Variants in BCAR3 observed in about 807,000 individuals in gnomAD.
The protein encoded by BCAR3 is BCAR3 adaptor protein, NSP family member, also known as breast cancer anti-estrogen resistance protein 3.
A neutral mutation model predicts 80.1 loss-of-function variants in BCAR3; 37 were observed. The observed-to-expected ratio is 0.46, with a 90% CI of 0.36 to 0.61. BCAR3 has a LOEUF of 0.61. Among genes scored for constraint, BCAR3 ranks in the 20% least tolerant of loss-of-function variants. The pLI, the probability that BCAR3 is intolerant of heterozygous loss-of-function variation, is 0.00. For missense variants in BCAR3, 978 were observed against 1,068.2 expected (o/e 0.92, Z 1.18); for synonymous variants, 389 against 418.9 (o/e 0.93, Z 0.87).
chr1:93,833,430 G>A (rs1404199345), intron 2 of BCAR3, among the ~76,000 whole-genome samples: 1 of 152,178 alleles, frequency 6.6e-6, no homozygotes, highest in African/African-American at 2.4e-5. Flanking sequence ...CAGAGGACCA[G>A]TCTGACTAGA....
intron 3 of BCAR3, among the ~76,000 whole-genome samples, chr1:93,630,868 C>A (rs1369607475): frequency 6.6e-6 from 1 of 152,170 alleles, no homozygotes; most frequent in African/African-American, 2.4e-5. Flanking sequence ...CCCGATCTTC[C>A]CATTTACTGT....
chr1:93,735,600 T>G (rs773615652), intron 2 of BCAR3, among the ~76,000 whole-genome samples: 2 of 152,272 alleles, frequency 1.3e-5, no homozygotes, highest in Non-Finnish European at 2.9e-5. Flanking sequence ...TTAATTCAAT[T>G]TATCAATTTT....
chr1:93,773,832 C>T (rs1236800712), intron 2 of BCAR3, among the ~76,000 whole-genome samples: 1 of 152,076 alleles, frequency 6.6e-6, no homozygotes, highest in African/African-American at 2.4e-5. Context: ...AAAAACAGAA[C>T]AGCCTTCTCC....
intron 2 of BCAR3, among the ~76,000 whole-genome samples, chr1:93,656,414 T>C (rs1647382357): frequency 6.6e-6 from 1 of 152,126 alleles, no homozygotes; most frequent in Admixed American, 6.5e-5. Flanking sequence ...TCCAGTCATA[T>C]CTAATTTATT....
At chr1:93,577,808 G>GTGAT (rs1673517672) in intron 7 of BCAR3, among the ~76,000 whole-genome samples, 1 of 152,238 alleles carries the variant, frequency 6.6e-6, no homozygotes, top group Admixed American at 6.5e-5. Context: ...TAAAAGGCCT[G>GTGAT]TGATTGATTC....
At chr1:93,810,058 T>C (rs150916165) in intron 2 of BCAR3, among the ~76,000 whole-genome samples, 2 of 150,266 alleles carry the variant, frequency 1.3e-5, no homozygotes, top group African/African-American at 4.9e-5. Context: ...GCAGGCATGG[T>C]GGCATGTGCC....
chr1:93,631,464 G>A (rs1289795022), intron 3 of BCAR3, among the ~76,000 whole-genome samples: 1 of 152,128 alleles, frequency 6.6e-6, no homozygotes, highest in Non-Finnish European at 1.5e-5. Context: ...AACCTTCCAG[G>A]CCAATGGGAA....
chr1:93,601,311 T>C (rs936423312), intron 3 of BCAR3, among the ~76,000 whole-genome samples: 1 of 152,210 alleles, frequency 6.6e-6, no homozygotes, highest in African/African-American at 2.4e-5. Context: ...ATAATTTAGT[T>C]CTAATGGAAT....
intron 3 of BCAR3, among the ~76,000 whole-genome samples, chr1:93,631,497 G>A (rs1429986533): frequency 6.6e-6 from 1 of 152,198 alleles, no homozygotes; most frequent in Admixed American, 6.5e-5. Flanking sequence ...GAGACACTAG[G>A]GAAAGCCAGG....
At chr1:93,711,387 A>C (rs977448348) in intron 2 of BCAR3, among the ~76,000 whole-genome samples, 5 of 152,224 alleles carry the variant, frequency 3.3e-5, no homozygotes, top group Non-Finnish European at 7.3e-5. Flanking sequence ...TGAAAGGGCC[A>C]TGTGTCTGTC....
Position 93,721,468 on chromosome 1 carries a change from C to G in BCAR3, c.-62-15326G>C, listed in dbSNP as rs372328507. On this transcript the variant is annotated intron_variant, in intron 2 of 13. Coordinates refer to the BCAR3 transcript ENST00000370244. ...GACTGCATGCAGGAAGCATTCCTCT[C>G]TAAGCACACATGACTTTGTATTGTT... 1.5e-3 allele frequency among the ~76,000 whole-genome samples: 232 copies of G among 152,304 alleles called. 1 individual carries two copies. The highest frequency in any genetic ancestry group is 5.4e-3 in the African/African-American group (223 of 41,550).
chr1:93,822,247 G>C (rs1418900031), intron 2 of BCAR3, among the ~76,000 whole-genome samples: 1 of 148,396 alleles, frequency 6.7e-6, no homozygotes, highest in Non-Finnish European at 1.5e-5. Flanking sequence ...GTGTGATCTC[G>C]GCTCACTGCA....
intron 2 of BCAR3, among the ~76,000 whole-genome samples, chr1:93,736,433 C>T (rs1328268922): frequency 2.6e-5 from 4 of 152,192 alleles, no homozygotes; most frequent in African/African-American, 9.7e-5. Flanking sequence ...GTGATCTGCC[C>T]GCCTTGGCCT....
intron 3 of BCAR3, among the ~76,000 whole-genome samples, chr1:93,640,875 G>A (rs1463820039): frequency 6.6e-6 from 1 of 152,248 alleles, no homozygotes; most frequent in Non-Finnish European, 1.5e-5. Context: ...GTAGGAGATA[G>A]CCAATTTCTG....
intron 2 of BCAR3, among the ~76,000 whole-genome samples, chr1:93,841,715 G>A (rs961602053): frequency 6.6e-6 from 1 of 152,146 alleles, no homozygotes. Context: ...ACCAGATCAT[G>A]TTCCCTTTAT....
intron 2 of BCAR3, among the ~76,000 whole-genome samples, chr1:93,750,051 G>A (rs112798474): frequency 3.8e-4 from 58 of 152,240 alleles, no homozygotes; most frequent in African/African-American, 1.4e-3. Flanking sequence ...CAACTCCTTT[G>A]ATATTTGGCA....
In BCAR3 at chr1:93,727,901, G is replaced by T. The variant is rs1650648227; in HGVS notation, c.-62-21759C>A. On this transcript the variant is annotated intron_variant, in intron 2 of 13. Coordinates refer to the BCAR3 transcript ENST00000370244. ...TTCAAGATGAGAACATCCTGGATTTGGGTGGGTCCTAAATCCAATGGCAAG... is the reference window on the plus strand; with the variant it reads ...TTCAAGATGAGAACATCCTGGATTTTGGTGGGTCCTAAATCCAATGGCAAG... Among the ~76,000 whole-genome samples, 2 of 152,192 alleles carry T rather than the reference G, an allele frequency of 1.3e-5. 1 individual carries two copies. Among genetic ancestry groups the T allele is most frequent in the South Asian group, 4.1e-4 (2 of 4,830 alleles).
At chr1:93,618,558 T>C (rs1675208504) in intron 3 of BCAR3, among the ~76,000 whole-genome samples, 1 of 152,212 alleles carries the variant, frequency 6.6e-6, no homozygotes, top group African/African-American at 2.4e-5. Flanking sequence ...CTGTGCCCTG[T>C]TTTGCTTTCT....
chr1:93,680,432 T>C (rs893271911), intron 1 of BCAR3, among the ~76,000 whole-genome samples: 5 of 152,260 alleles, frequency 3.3e-5, no homozygotes, highest in Admixed American at 6.5e-5. Context: ...GGGCTTCCCA[T>C]TGTTACCCGG....
Sources: allele counts gnomAD v4.1 joint callset (sites outside exome capture counted in the v4.1 genomes callset), GRCh38; gene constraint gnomAD v4.1.1; transcripts MANE v1.5; gene names NCBI Gene and HGNC (gene_info 2026-07-23, HGNC 2026-07-21).